Variants in JARID2 observed in about 807,000 individuals in gnomAD.
JARID2 encodes the protein protein Jumonji.
Under a neutral mutation model 125.6 loss-of-function variants are expected in JARID2, and 21 were observed. The observed-to-expected ratio is 0.17, with a 90% CI of 0.12 to 0.24. The LOEUF (loss-of-function observed/expected upper bound fraction) is 0.24. JARID2 is among the 10% of genes least tolerant of loss of function. JARID2 has a pLI of 1.00. For synonymous variants in JARID2, 736 were observed against 661.6 expected, an observed-to-expected ratio of 1.11 and a Z score of -1.73; for missense variants, 1,303 against 1,639.6, an observed-to-expected ratio of 0.79 and a Z score of 3.55.
intron 4 of JARID2, among the ~76,000 whole-genome samples, chr6:15,458,057 G>A (rs1768268352): frequency 6.6e-6 from 1 of 152,162 alleles, no homozygotes; most frequent in Non-Finnish European, 1.5e-5. Flanking sequence ...TCTTGCCAGA[G>A]GCATAATTAG....
In JARID2 at chr6:15,496,435, G is replaced by T. The variant is rs751363793; in HGVS notation, c.1210G>T (p.Val404Phe). Residue 404 changes from valine to phenylalanine, a missense_variant, in exon 7 of 18, where the codon GTC becomes TTC. By Grantham distance (50) the Val-to-Phe change is conservative. This residue lies in a region of JARID2 where 651 missense variants were observed against 581.6 expected (regional missense o/e 1.12). Coordinates refer to ENST00000341776, the MANE Select transcript of JARID2 (RefSeq NM_004973.4). ...GGCGTCCAAGTCCACTGGGCCCGCC[G>T]TCAATGGCCTCAAGGTCAGTGGCAG... ...GGASKSTGPA[V>F]NGLKVSGRLN... 1.9e-6 allele frequency: 3 copies of T among 1,613,758 alleles called. No homozygotes were observed. The African/African-American group carries it at 4.0e-5, about 22-fold the overall frequency.
intron 2 of JARID2, among the ~76,000 whole-genome samples, chr6:15,393,848 G>A (rs1480923424): frequency 2.0e-5 from 3 of 152,102 alleles, no homozygotes; most frequent in African/African-American, 7.2e-5. Context: ...GATATAAAAG[G>A]CACATATTTT....
intron 5 of JARID2, among the ~76,000 whole-genome samples, chr6:15,480,119 T>C (rs1769539754): frequency 6.6e-6 from 1 of 152,222 alleles, no homozygotes; most frequent in Non-Finnish European, 1.5e-5. Context: ...GTGGATCTCT[T>C]TTCCCTTGCT....
At position 15,521,426 on chromosome 6, in the gene JARID2, A is replaced by AG. The variant is rs376736505; in HGVS notation, c.*1181dup. ...GCCTTTTTCTCGGTGGGGGGTGGGG[A>AG]GGGGGGTGAGAAGACAAGATGAAGA... is the stretch of plus-strand genomic sequence containing the variant. On this transcript the variant is annotated 3_prime_UTR_variant, in exon 18 of 18. Coordinates refer to ENST00000341776, the MANE Select transcript of JARID2 (RefSeq NM_004973.4). 16 of 129,228 alleles carry AG rather than the reference A, an allele frequency of 1.2e-4. No homozygotes were observed. Among genetic ancestry groups the AG allele is most frequent in the South Asian group, 2.9e-4 (1 of 3,452 alleles). 8.0% of individuals were successfully genotyped at this position (129,228 alleles called of 1,614,324 possible). A position where few individuals can be genotyped will look rare whatever the true frequency, so the allele number is the denominator to read the frequency against.
chr6:15,349,254 C>G (rs963179118), intron 1 of JARID2, among the ~76,000 whole-genome samples: 2 of 152,124 alleles, frequency 1.3e-5, no homozygotes, highest in African/African-American at 4.8e-5. Flanking sequence ...AAGATGGTGA[C>G]TTTTTGTTGG....
chr6:15,461,708 G>C (rs1322611796), intron 4 of JARID2, among the ~76,000 whole-genome samples: 1 of 152,110 alleles, frequency 6.6e-6, no homozygotes, highest in African/African-American at 2.4e-5. Context: ...CTTACTGTGA[G>C]TCACTCAGCT....
chr6:15,375,626 A>G (rs2127518220), intron 2 of JARID2, among the ~76,000 whole-genome samples: 1 of 152,370 alleles, frequency 6.6e-6, no homozygotes, highest in East Asian at 1.9e-4. Context: ...CTTGTAATAC[A>G]GTAAACTAAA....
At chr6:15,455,211 A>G (rs551179010) in intron 4 of JARID2, among the ~76,000 whole-genome samples, 85 of 151,508 alleles carry the variant, frequency 5.6e-4, no homozygotes, top group Middle Eastern at 6.8e-3. Flanking sequence ...AAAAAAAACA[A>G]TGGTGATATG....
chr6:15,508,100 G>A (rs1160011296), intron 11 of JARID2, among the ~76,000 whole-genome samples: 1 of 152,170 alleles, frequency 6.6e-6, no homozygotes, highest in African/African-American at 2.4e-5. Context: ...AGGTTCCTGC[G>A]GCCACCTCCC....
chr6:15,291,263 GT>G (rs1282043749), intron 1 of JARID2, among the ~76,000 whole-genome samples: 1 of 152,022 alleles, frequency 6.6e-6, no homozygotes, highest in East Asian at 1.9e-4. Flanking sequence ...ATGAGAAGAA[GT>G]GTATAGTTAA....
At chr6:15,509,652 T>A (rs1006940933) in intron 12 of JARID2, among the ~76,000 whole-genome samples, 1 of 152,238 alleles carries the variant, frequency 6.6e-6, no homozygotes, top group African/African-American at 2.4e-5. Context: ...TGCCTTTGCC[T>A]CCGGAAGAAG....
chr6:15,505,015 T>G (rs546027440), intron 9 of JARID2: 1 of 163,418 alleles, frequency 6.1e-6, no homozygotes, highest in East Asian at 1.7e-4. Flanking sequence ...CAGATTGCCA[T>G]TTTTGTGCTT....
At chr6:15,469,360 TC>T (rs1254478858) in intron 5 of JARID2, among the ~76,000 whole-genome samples, 5 of 7,680 alleles carry the variant, frequency 6.5e-4, no homozygotes, top group Non-Finnish European at 1.1e-3. Context: ...TCTCTCTCTC[TC>T]CTCCCCTTCT....
intron 5 of JARID2, 27 bp downstream of exon 5, chr6:15,468,745 G>GA (rs760159507): frequency 3.1e-6 from 5 of 1,591,158 alleles, no homozygotes; most frequent in Admixed American, 1.8e-5. Flanking sequence ...ACTTGGATAA[G>GA]AAAAAATCTA....
chr6:15,332,935 C>CTTTT (rs33921682), intron 1 of JARID2, among the ~76,000 whole-genome samples: 57 of 42,112 alleles, frequency 1.4e-3, no homozygotes, highest in Non-Finnish European at 2.4e-3. Flanking sequence ...CTTTTCTTTT[C>CTTTT]TTTTTTTTTT....
intron 16 of JARID2, 64 bp downstream of exon 16, chr6:15,513,486 G>GC: frequency 6.8e-7 from 1 of 1,469,322 alleles, no homozygotes; most frequent in Non-Finnish European, 9.2e-7. Flanking sequence ...CTCCGGGGTT[G>GC]CCCCCAGAAG....
At chr6:15,309,477 A>T (rs1440563953) in intron 1 of JARID2, among the ~76,000 whole-genome samples, 1 of 152,084 alleles carries the variant, frequency 6.6e-6, no homozygotes, top group East Asian at 1.9e-4. Context: ...CCAATAGGGG[A>T]TTGGTTAAAT....
intron 1 of JARID2, among the ~76,000 whole-genome samples, chr6:15,350,431 T>C (rs1763383189): frequency 1.3e-5 from 2 of 152,214 alleles, no homozygotes; most frequent in African/African-American, 4.8e-5. Context: ...TCTAATCAGG[T>C]GTTCGTCTTC....
chr6:15,384,587 T>C (rs1764712052), intron 2 of JARID2, among the ~76,000 whole-genome samples: 1 of 150,092 alleles, frequency 6.7e-6, no homozygotes. Flanking sequence ...TAACCTGTTT[T>C]ACTATTTATT....
Sources: gnomAD v4.1 joint callset for allele counts (sites outside exome capture counted in the v4.1 genomes callset) on GRCh38, gnomAD v4.1.1 for gene constraint, gnomAD v4.1.1 regional missense constraint, MANE v1.5 for transcripts, NCBI Gene and HGNC (gene_info 2026-07-23, HGNC 2026-07-21) for gene names.